CLSTN1: variants seen among roughly 807,000 people sequenced by gnomAD.
The protein encoded by CLSTN1 is calsyntenin-1.
CLSTN1 carries 28 observed loss-of-function variants against 108.3 expected under a neutral mutation model. The ratio of observed to expected loss-of-function variants is 0.26; its 90% CI spans 0.19 to 0.35. The LOEUF (loss-of-function observed/expected upper bound fraction) is 0.35, where lower values mean the gene tolerates loss of function less well. Ranked by LOEUF, CLSTN1 falls within the 10% of genes least tolerant of loss-of-function variation. The pLI is 1.00. For missense variants in CLSTN1, 1,157 were observed against 1,302.6 expected (o/e 0.89, Z 1.72); for synonymous variants, 524 against 534.9 (o/e 0.98, Z 0.28).
chr1:9,746,157 T>C (rs967329504), intron 7 of CLSTN1, among the ~76,000 whole-genome samples: 5 of 152,184 alleles, frequency 3.3e-5, no homozygotes, highest in Non-Finnish European at 7.3e-5. Flanking sequence ...TTTCCTATTA[T>C]AAACCTCACC....
At chr1:9,733,181 A>AC (rs1160730364) in intron 16 of CLSTN1, among the ~76,000 whole-genome samples, 2 of 151,736 alleles carry the variant, frequency 1.3e-5, no homozygotes, top group Admixed American at 6.6e-5. Context: ...AAAGGGGAGC[A>AC]CCCCCCACCC....
chr1:9,810,694 G>A (rs1654720080), intron 1 of CLSTN1, among the ~76,000 whole-genome samples: 1 of 152,062 alleles, frequency 6.6e-6, no homozygotes, highest in Non-Finnish European at 1.5e-5. Flanking sequence ...AGAATCTCTT[G>A]AACCTGGGAG....
chr1:9,777,318 A>G (rs1039684289), intron 1 of CLSTN1, among the ~76,000 whole-genome samples: 1 of 150,640 alleles, frequency 6.6e-6, no homozygotes, highest in African/African-American at 2.5e-5. Context: ...TCAGGAGTTC[A>G]AGGCCAGCCT....
chr1:9,816,407 A>C (rs1176300116), intron 1 of CLSTN1, among the ~76,000 whole-genome samples: 2 of 152,192 alleles, frequency 1.3e-5, no homozygotes, highest in African/African-American at 4.8e-5. Context: ...TTTGGGAGTG[A>C]TGAAAGTGTT....
At position 9,749,883 on chromosome 1, in the gene CLSTN1, T is replaced by C. The variant is rs1441408904; in HGVS notation, c.680A>G (p.Tyr227Cys). The C allele has an allele frequency of 2.5e-6, 4 of 1,613,850 alleles. No homozygotes were observed. The highest frequency in any genetic ancestry group is 2.2e-5 in the East Asian group (1 of 44,906). ...GYIKNTEKLN[Y>C]GKEHQYKLTV... The stretch of plus-strand genomic sequence containing the variant: ...CAGCTTATATTGATGTTCTTTCCCG[T>C]AGTTTAATTTCTCTGTGTTTTTTAT... Residue 227 changes from tyrosine (Y) to cysteine (C), a missense_variant, in exon 6 of 19, where the codon TAC (tyrosine) becomes TGC (cysteine). Coordinates refer to ENST00000377298, the MANE Select transcript of CLSTN1 (RefSeq NM_001009566.3).
chr1:9,755,138 C>G lies in CLSTN1; in HGVS notation c.416G>C (p.Gly139Ala). The change falls in exon 4 of 19, where the codon GGC becomes GCC. Residue 139 changes from glycine (G) to alanine (A), a missense_variant. Coordinates refer to ENST00000377298, the MANE Select transcript of CLSTN1 (RefSeq NM_001009566.3). The part of the protein sequence containing the change: ...QAYDCGKGPD[G>A]TNVKKSHKAT... ...CTTATGAGACTTTTTCACGTTGGTG[C>G]CATCAGGTCCCTTCCCACAATCATA... 2 of 1,611,256 alleles carry G rather than the reference C, an allele frequency of 1.2e-6. No homozygotes were observed. The highest frequency in any genetic ancestry group is 1.7e-4 in the Middle Eastern group (1 of 6,054).
intron 1 of CLSTN1, among the ~76,000 whole-genome samples, chr1:9,803,425 A>G (rs1228667318): frequency 6.6e-6 from 1 of 152,194 alleles, no homozygotes. Context: ...CATGGGTAAA[A>G]CCAGATTCTG....
At chr1:9,773,065 A>T (rs1473359892) in intron 2 of CLSTN1, among the ~76,000 whole-genome samples, 2 of 152,150 alleles carry the variant, frequency 1.3e-5, no homozygotes, top group Non-Finnish European at 2.9e-5. Context: ...TAAATTAAAC[A>T]GTTTGTTTTT....
intron 4 of CLSTN1, among the ~76,000 whole-genome samples, chr1:9,753,024 G>C (rs1236909623): frequency 6.6e-6 from 1 of 152,132 alleles, no homozygotes; most frequent in African/African-American, 2.4e-5. Flanking sequence ...CACTGGACTT[G>C]AGAACACCAG....
chr1:9,735,440 G>A (rs1033734038), intron 13 of CLSTN1, 27 bp downstream of exon 13: 6 of 1,614,006 alleles, frequency 3.7e-6, no homozygotes, highest in Admixed American at 3.3e-5. Context: ...GGGCAAAACA[G>A]GCCGGCTGTT....
intron 1 of CLSTN1, among the ~76,000 whole-genome samples, chr1:9,781,446 C>CTT (rs766133785): frequency 4.9e-5 from 7 of 143,834 alleles, no homozygotes; most frequent in African/African-American, 7.6e-5. Flanking sequence ...ACATCTTATT[C>CTT]TTTTTTTTTT....
At chr1:9,787,044 G>C (rs901095051) in intron 1 of CLSTN1, among the ~76,000 whole-genome samples, 2 of 151,340 alleles carry the variant, frequency 1.3e-5, no homozygotes, top group African/African-American at 4.8e-5. Flanking sequence ...AGAGGTGGCT[G>C]CAGGGGTGAG....
intron 1 of CLSTN1, among the ~76,000 whole-genome samples, chr1:9,814,450 A>G (rs1183102684): frequency 1.3e-5 from 2 of 152,182 alleles, no homozygotes; most frequent in Admixed American, 1.3e-4. Context: ...ATTTTTACTG[A>G]GTTTTAAAAT....
At chr1:9,736,151 T>TACTCAGTGGATGAACTCA (rs1248234290) in intron 11 of CLSTN1, 109 bp from the exon 12 acceptor site, 49 of 1,320,330 alleles carry the variant, frequency 3.7e-5, no homozygotes, top group Non-Finnish European at 5.1e-5. Flanking sequence ...TGGATGGACA[T>TACTCAGTGGATGAACTCA]GCGGGTTAGT....
intron 2 of CLSTN1, among the ~76,000 whole-genome samples, chr1:9,766,988 TCA>T (rs1356604504): frequency 2.6e-5 from 4 of 152,204 alleles, no homozygotes; most frequent in Non-Finnish European, 5.9e-5. Flanking sequence ...TGTAGTGGGA[TCA>T]CACTATGAAC....
At chr1:9,740,644 C>T (rs775990010) in intron 10 of CLSTN1, among the ~76,000 whole-genome samples, 44 of 152,124 alleles carry the variant, frequency 2.9e-4, no homozygotes, top group Admixed American at 6.5e-5. Flanking sequence ...ACAGAGCCCT[C>T]GCAGCCCTCC....
In CLSTN1 at chr1:9,759,967, T is replaced by C. The variant is rs188555512; in HGVS notation, c.215-3457A>G. On this transcript the variant is annotated intron_variant, in intron 2 of 18. Transcript: ENST00000377298. ...TTTTTGACTTGAGTTTACTGTGGAA[T>C]AGCGAGGCAGTTCCACATCATCTGA... 5.8e-4 allele frequency among the ~76,000 whole-genome samples: 89 copies of C among 152,358 alleles called. 1 individual carries two copies. Among genetic ancestry groups the C allele is most frequent in the African/African-American group, 2.1e-3 (86 of 41,582 alleles).
intron 7 of CLSTN1, among the ~76,000 whole-genome samples, chr1:9,745,642 G>A (rs967032179): frequency 2.0e-5 from 3 of 151,886 alleles, no homozygotes; most frequent in African/African-American, 4.8e-5. Flanking sequence ...GGGCGAGTGC[G>A]ACCCTGTCTC....
In CLSTN1 at chr1:9,823,728, C is replaced by A; in HGVS notation, c.6G>T (p.Leu2=). 1 of 1,067,616 alleles carries A rather than the reference C, an allele frequency of 9.4e-7. No homozygotes were observed. Among genetic ancestry groups the A allele is most frequent in the African/African-American group, 1.7e-5 (1 of 58,888 alleles). 66.1% of individuals were successfully genotyped at this position (1,067,616 alleles called of 1,614,324 possible). The change falls in exon 1 of 19, where the codon CTG becomes CTT. Residue 2 remains leucine (L), a synonymous_variant. Transcript: ENST00000377298. The surrounding 1 kb of genome is among the most constrained non-coding windows in gnomAD (Gnocchi z 6.3). ...GGGCCAGCGCGGGAGCGGGGCGGCG[C>A]AGCATCGCCAGCCCGGGGCGGGAGC... M[L]RRPAPALAPA... is the part of the protein sequence containing the mutation.
Sources: gnomAD v4.1 joint callset for allele counts (sites outside exome capture counted in the v4.1 genomes callset) on GRCh38, gnomAD v4.1.1 for gene constraint, Gnocchi (gnomAD v3.1) non-coding constraint, MANE v1.5 for transcripts, NCBI Gene and HGNC (gene_info 2026-07-23, HGNC 2026-07-21) for gene names.